ZSCAN25: variants seen among roughly 807,000 people sequenced by gnomAD.
ZSCAN25 encodes the protein zinc finger and SCAN domain containing 25, also known as zinc finger and SCAN domain-containing protein 25.
In ZSCAN25, 27 loss-of-function variants were observed where a neutral mutation model predicts 38.7. The ratio of observed to expected loss-of-function variants is 0.70; its 90% confidence interval spans 0.51 to 0.96. ZSCAN25 has a LOEUF of 0.96. ZSCAN25 is among the 40% of genes least tolerant of loss of function. The pLI is 0.00. For synonymous variants in ZSCAN25, 273 were observed against 277.7 expected (o/e 0.98, Z 0.17); for missense variants, 637 against 705.9 (o/e 0.90, Z 1.11).
At chr7:99,658,446 G>A in the ZSCAN25 span, among the ~76,000 whole-genome samples, 1 of 152,144 alleles carries the variant, frequency 6.6e-6, no homozygotes, top group African/African-American at 2.4e-5. Flanking sequence ...TCTGCCGAGA[G>A]ATCCACTGTT....
chr7:99,627,617 A>G (rs1009931389), intron 7 of ZSCAN25, among the ~76,000 whole-genome samples: 2 of 152,090 alleles, frequency 1.3e-5, no homozygotes, highest in Non-Finnish European at 2.9e-5. Context: ...AAGAACAGGC[A>G]AAAAAGTCCA....
At chr7:99,660,218 T>TC in the ZSCAN25 span, 1 of 817,058 alleles carries the variant, frequency 1.2e-6, no homozygotes, top group Non-Finnish European at 1.5e-6. Context: ...ACACTCCTTT[T>TC]TTTTTTTTTT....
the ZSCAN25 span, among the ~76,000 whole-genome samples, chr7:99,637,718 G>C: frequency 6.6e-6 from 1 of 152,048 alleles, no homozygotes; most frequent in Non-Finnish European, 1.5e-5. Context: ...AAATTACTAA[G>C]TTAGAACTCA....
At chr7:99,664,686 A>G in the ZSCAN25 span, among the ~76,000 whole-genome samples, 13 of 152,340 alleles carry the variant, frequency 8.5e-5, no homozygotes, top group South Asian at 2.7e-3. Context: ...CAGTGCTCAG[A>G]GGGAAATTTA....
the ZSCAN25 span, among the ~76,000 whole-genome samples, chr7:99,681,553 A>G: frequency 2.6e-5 from 4 of 152,214 alleles, no homozygotes; most frequent in African/African-American, 9.7e-5. Flanking sequence ...CATTTCTCTA[A>G]TGACCAGTGA....
At chr7:99,690,509 A>AACCT in the ZSCAN25 span, among the ~76,000 whole-genome samples, 2 of 152,202 alleles carry the variant, frequency 1.3e-5, no homozygotes, top group Non-Finnish European at 2.9e-5. Context: ...GTGAACAGGC[A>AACCT]ACCTACAGAA....
At chr7:99,660,710 C>T in the ZSCAN25 span, 2 of 1,594,548 alleles carry the variant, frequency 1.3e-6, no homozygotes, top group Non-Finnish European at 1.7e-6. Context: ...CGTACAACAT[C>T]ACAGCTTAGA....
At chr7:99,663,175 T>TG in the ZSCAN25 span, 10 of 1,139,618 alleles carry the variant, frequency 8.8e-6, no homozygotes, top group Non-Finnish European at 1.1e-5. Flanking sequence ...GCCAAAGAGT[T>TG]GCCGGTTCCA....
At chr7:99,652,407 G>A in the ZSCAN25 span, 12 of 572,882 alleles carry the variant, frequency 2.1e-5, no homozygotes, top group South Asian at 1.7e-4. Flanking sequence ...GGTTTGTAAA[G>A]TTTGATAATT....
intron 4 of ZSCAN25, 151 bp from the exon 5 acceptor site, chr7:99,621,222 G>A: frequency 1.7e-6 from 1 of 591,532 alleles, no homozygotes; most frequent in Admixed American, 4.2e-5. Context: ...CCTCACTAAT[G>A]TCCTGGGGAA....
At chr7:99,647,779 T>C in the ZSCAN25 span, 1 of 985,440 alleles carries the variant, frequency 1.0e-6, no homozygotes, top group Non-Finnish European at 1.2e-6. Flanking sequence ...TAAAAAATGT[T>C]TATTTGCTGG....
At chr7:99,654,036 G>C in the ZSCAN25 span, among the ~76,000 whole-genome samples, 1 of 152,052 alleles carries the variant, frequency 6.6e-6, no homozygotes, top group Non-Finnish European at 1.5e-5. Context: ...TCACTATCCA[G>C]TCTTGTGAGC....
chr7:99,631,128 C>T lies in ZSCAN25; in HGVS notation c.*1108C>T, dbSNP rs753442374. On this transcript the variant is annotated 3_prime_UTR_variant, in exon 8 of 8. Transcript: ENST00000394152. ...GTGGATGTACCTGATCTTCAGAACC[C>T]GTGGATATTCCTGCAAATCCTCTGG... 41 of 985,266 alleles carry T rather than the reference C, an allele frequency of 4.2e-5. No individual in the cohort carries two copies. Among genetic ancestry groups the T allele is most frequent in the South Asian group, 4.7e-5 (1 of 21,286 alleles). The allele number at this position is 985,266 out of a possible 1,614,324, so 61.0% of individuals were successfully genotyped here. A position where few individuals can be genotyped will look rare whatever the true frequency, so the allele number is the denominator to read the frequency against.
chr7:99,674,651 G>C, the ZSCAN25 span: 3 of 1,409,164 alleles, frequency 2.1e-6, no homozygotes, highest in Non-Finnish European at 9.9e-7. Context: ...CCTCTAATTG[G>C]GGCTGAAAAC....
At chr7:99,724,029 TG>T in the ZSCAN25 span, among the ~76,000 whole-genome samples, 2 of 151,964 alleles carry the variant, frequency 1.3e-5, no homozygotes, top group African/African-American at 4.8e-5. Flanking sequence ...TCACCTTCCC[TG>T]GGTGGCAAGT....
At chr7:99,653,086 A>G in the ZSCAN25 span, among the ~76,000 whole-genome samples, 6 of 152,192 alleles carry the variant, frequency 3.9e-5, no homozygotes, top group East Asian at 1.9e-4. This position sits in a 1 kb window ranked among gnomAD's most constrained non-coding sequence, Gnocchi z 4.2. Flanking sequence ...TAATGGGGCT[A>G]TGACCATTAC....
At chr7:99,664,087 G>T in the ZSCAN25 span, 1 of 1,582,442 alleles carries the variant, frequency 6.3e-7, no homozygotes, top group Admixed American at 2.0e-5. Context: ...GTAAGGAATG[G>T]AAAGAGTACT....
the ZSCAN25 span, among the ~76,000 whole-genome samples, chr7:99,692,591 T>A: frequency 1.3e-5 from 2 of 152,230 alleles, no homozygotes; most frequent in Admixed American, 6.5e-5. Flanking sequence ...GCTTTGTTCA[T>A]TTCTTTTCAC....
chr7:99,637,137 A>G (rs1405767040), downstream of ZSCAN25, among the ~76,000 whole-genome samples: 1 of 152,236 alleles, frequency 6.6e-6, no homozygotes, highest in African/African-American at 2.4e-5. Flanking sequence ...CAGCTTAATC[A>G]GTTGCTATAA....
Sources: allele counts gnomAD v4.1 joint callset (sites outside exome capture counted in the v4.1 genomes callset), GRCh38; gene constraint gnomAD v4.1.1; non-coding constraint Gnocchi (gnomAD v3.1); transcripts MANE v1.5; gene names NCBI Gene and HGNC (gene_info 2026-07-23, HGNC 2026-07-21).